DGKH: variants seen among roughly 807,000 people sequenced by gnomAD.
DGKH encodes DAG kinase eta.
In DGKH, 90 loss-of-function variants were observed where a neutral mutation model predicts 159.3. That is an observed-to-expected ratio of 0.57 (90% CI 0.48 to 0.67). The LOEUF is 0.67. DGKH is among the 30% of genes least tolerant of loss of function. DGKH has a pLI of 0.00. For synonymous variants in DGKH, 536 were observed against 553.8 expected (o/e 0.97, Z 0.45); for missense variants, 1,181 against 1,506.1 (o/e 0.78, Z 3.57).
At chr13:42,112,957 G>A (rs983860736) in intron 1 of DGKH, among the ~76,000 whole-genome samples, 10 of 152,282 alleles carry the variant, frequency 6.6e-5, no homozygotes, top group South Asian at 6.2e-4. Flanking sequence ...TTATTCCCTC[G>A]TTGGAGGTCA....
intron 12 of DGKH, among the ~76,000 whole-genome samples, chr13:42,177,698 A>G (rs558549463): frequency 6.6e-6 from 1 of 152,272 alleles, no homozygotes; most frequent in Non-Finnish European, 1.5e-5. Flanking sequence ...TTGGAGCTGC[A>G]TGGTGGTACT....
rs1486212653 is a variant in DGKH, at chr13:42,153,386, G to C, written c.385-1905G>C. Among the ~76,000 whole-genome samples the C allele has an allele frequency of 2.0e-5, 3 of 152,288 alleles. No individual in the cohort carries two copies. In the East Asian group the frequency reaches 5.8e-4, roughly 29 times the overall value. Reference sequence around the variant, plus strand: ...CATGCTTTACTTAGAATTCAGCAAAGAACAAAGTTAAAGAACAAAATAGCA... The same window carrying C: ...CATGCTTTACTTAGAATTCAGCAAACAACAAAGTTAAAGAACAAAATAGCA... On this transcript the variant is annotated intron_variant, in intron 3 of 29. Transcript: ENST00000337343.
intron 29 of DGKH, among the ~76,000 whole-genome samples, chr13:42,248,812 C>G (rs1354796698): frequency 6.6e-6 from 1 of 151,874 alleles, no homozygotes; most frequent in African/African-American, 2.4e-5. Context: ...AGCCTAGAAG[C>G]AACAGGCTAT....
Position 42,086,233 on chromosome 13 carries a change from A to G in DGKH, c.192+37268A>G, listed in dbSNP as rs531384902. On this transcript the variant is annotated intron_variant, in intron 1 of 29. Coordinates refer to ENST00000337343, the MANE Select transcript of DGKH (RefSeq NM_178009.5). ...ATGCCCAGCAAACCTTAAATTTCTT[A>G]TAAGAGCAATAAAAACAGGGATCTT... Among the ~76,000 whole-genome samples, 3 of 152,270 alleles carry G rather than the reference A, an allele frequency of 2.0e-5. No individual in the cohort carries two copies. The East Asian group carries it at 5.8e-4, about 29-fold the overall frequency.
At chr13:42,177,254 G>GT (rs1956628974) in intron 12 of DGKH, among the ~76,000 whole-genome samples, 1 of 130,442 alleles carries the variant, frequency 7.7e-6, no homozygotes, top group African/African-American at 2.5e-5. Flanking sequence ...ATTGGTATCT[G>GT]TTTTGTACTT....
chr13:42,165,819 G>A (rs1375151271), intron 8 of DGKH, among the ~76,000 whole-genome samples: 1 of 151,980 alleles, frequency 6.6e-6, no homozygotes, highest in Admixed American at 6.6e-5. Context: ...TTCATTGTAG[G>A]AATTTATATT....
chr13:42,224,640 A>G (rs1382373672), intron 29 of DGKH, among the ~76,000 whole-genome samples: 1 of 146,474 alleles, frequency 6.8e-6, no homozygotes, highest in Non-Finnish European at 1.5e-5. Flanking sequence ...CAGGCCTACA[A>G]GGTTCTGCCT....
chr13:42,107,703 G>A (rs138198992), intron 1 of DGKH, among the ~76,000 whole-genome samples: 63 of 152,162 alleles, frequency 4.1e-4, no homozygotes, highest in African/African-American at 1.4e-3. Flanking sequence ...AGGCAGCCCC[G>A]CTGTGAGTAC....
intron 1 of DGKH, among the ~76,000 whole-genome samples, chr13:42,079,753 A>G (rs749245046): frequency 6.6e-6 from 1 of 152,156 alleles, no homozygotes; most frequent in Non-Finnish European, 1.5e-5. Flanking sequence ...AATTATTTTT[A>G]TTTGAATGCA....
At chr13:42,246,303 G>C (rs1958579422), downstream of DGKH, among the ~76,000 whole-genome samples, 1 of 152,158 alleles carries the variant, frequency 6.6e-6, no homozygotes, top group Admixed American at 6.5e-5. Flanking sequence ...AGACTACAAG[G>C]CTGGGCGTGG....
intron 15 of DGKH, among the ~76,000 whole-genome samples, chr13:42,189,683 T>A (rs1206555179): frequency 1.3e-5 from 2 of 152,186 alleles, no homozygotes; most frequent in African/African-American, 4.8e-5. Flanking sequence ...AAAAAATTTT[T>A]TGAGAAAGGG....
downstream of DGKH, among the ~76,000 whole-genome samples, chr13:42,245,469 A>G (rs1002531662): frequency 6.6e-6 from 1 of 152,248 alleles, no homozygotes; most frequent in Non-Finnish European, 1.5e-5. Flanking sequence ...GCAATTGATC[A>G]TATGTAAAGG....
intron 1 of DGKH, among the ~76,000 whole-genome samples, chr13:42,065,143 G>A (rs1274090508): frequency 6.6e-6 from 1 of 152,224 alleles, no homozygotes; most frequent in Admixed American, 6.5e-5. Context: ...CGTCAGAAGG[G>A]TGTGAGTGAA....
chr13:42,134,304 C>G (rs1955354124), intron 3 of DGKH, among the ~76,000 whole-genome samples: 1 of 152,312 alleles, frequency 6.6e-6, no homozygotes, highest in East Asian at 1.9e-4. Context: ...GACATTAAGA[C>G]AGTCGTGTCA....
chr13:42,217,491 T>C (rs1157875596), intron 26 of DGKH, among the ~76,000 whole-genome samples: 4 of 151,696 alleles, frequency 2.6e-5, no homozygotes, highest in Non-Finnish European at 5.9e-5. Context: ...GATCCACCCG[T>C]CTCGGCCTCC....
chr13:42,079,035 C>T (rs368933059), intron 1 of DGKH, among the ~76,000 whole-genome samples: 5 of 151,160 alleles, frequency 3.3e-5, no homozygotes, highest in Non-Finnish European at 4.4e-5. Context: ...CTCAGCCTCC[C>T]GAGTAGCTGG....
At chr13:42,054,812 T>A (rs1178199743) in intron 1 of DGKH, among the ~76,000 whole-genome samples, 1 of 152,176 alleles carries the variant, frequency 6.6e-6, no homozygotes, top group Admixed American at 6.5e-5. Context: ...CATTTCACAA[T>A]GAATACATAC....
At chr13:42,253,720 T>G (rs1174603905) in intron 30 of DGKH, among the ~76,000 whole-genome samples, 1 of 152,220 alleles carries the variant, frequency 6.6e-6, no homozygotes, top group Non-Finnish European at 1.5e-5. Flanking sequence ...AAAATCTGAT[T>G]CTGTGATAAG....
At chr13:42,064,928 C>T (rs975177143) in intron 1 of DGKH, among the ~76,000 whole-genome samples, 5 of 151,842 alleles carry the variant, frequency 3.3e-5, no homozygotes, top group Admixed American at 6.6e-5. Flanking sequence ...TTGAAGAACA[C>T]GAGTCCCAGT....
Sources: allele counts gnomAD v4.1 joint callset (sites outside exome capture counted in the v4.1 genomes callset), GRCh38; gene constraint gnomAD v4.1.1; transcripts MANE v1.5; gene names NCBI Gene and HGNC (gene_info 2026-07-23, HGNC 2026-07-21).